SMYD3: variants seen among roughly 807,000 people sequenced by gnomAD.
The protein encoded by SMYD3 is SET and MYND domain containing 3.
A neutral mutation model predicts 57.7 loss-of-function variants in SMYD3; 36 were observed. The observed-to-expected ratio is 0.62, with a 90% CI of 0.48 to 0.82. The LOEUF (loss-of-function observed/expected upper bound fraction) is 0.82. Among genes scored for constraint, SMYD3 ranks in the 40% least tolerant of loss-of-function variants. SMYD3 has a pLI of 0.00. For synonymous variants in SMYD3, 211 were observed against 195.0 expected (o/e 1.08, Z -0.68); for missense variants, 515 against 538.8 (o/e 0.96, Z 0.44).
At chr1:246,166,421 A>G (rs890497336) in intron 5 of SMYD3, among the ~76,000 whole-genome samples, 1 of 152,214 alleles carries the variant, frequency 6.6e-6, no homozygotes, top group Non-Finnish European at 1.5e-5. Context: ...CTGAGCACAC[A>G]TGTAAGTCTG....
chr1:245,955,270 A>AT (rs1189483790), intron 5 of SMYD3, among the ~76,000 whole-genome samples: 11 of 150,500 alleles, frequency 7.3e-5, no homozygotes, highest in African/African-American at 2.7e-4. Flanking sequence ...TTTTTTTTGT[A>AT]TTTTTTAGTA....
At chr1:246,146,405 T>C (rs566732986) in intron 5 of SMYD3, among the ~76,000 whole-genome samples, 1 of 152,282 alleles carries the variant, frequency 6.6e-6, no homozygotes, top group East Asian at 1.9e-4. Context: ...GTAGAACACG[T>C]ACCTGCACAT....
At chr1:246,494,325 G>T (rs1398178130) in intron 1 of SMYD3, among the ~76,000 whole-genome samples, 1 of 152,088 alleles carries the variant, frequency 6.6e-6, no homozygotes, top group African/African-American at 2.4e-5. Flanking sequence ...CTCCATAGTT[G>T]TTATCTCTAC....
At chr1:246,398,076 T>G (rs1442274077) in intron 1 of SMYD3, among the ~76,000 whole-genome samples, 1 of 152,102 alleles carries the variant, frequency 6.6e-6, no homozygotes, top group Non-Finnish European at 1.5e-5. Flanking sequence ...AGACCAATCT[T>G]AGGCTCTACA....
Position 246,355,173 on chromosome 1 carries a change from C to A in SMYD3, c.165-79G>T. ...ATAGTTGAAGAAAGAAAACATAAGT[C>A]AACATACGGACACCCGTATGTTCTG... On this transcript the variant is annotated intron_variant, in intron 1 of 11. Coordinates refer to ENST00000490107, the MANE Select transcript of SMYD3 (RefSeq NM_001167740.2). The surrounding 1 kb of genome is among the most constrained non-coding windows in gnomAD (Gnocchi z 5.0). 2 of 1,397,796 alleles carry A rather than the reference C, an allele frequency of 1.4e-6. No individual in the cohort carries two copies. Among genetic ancestry groups the A allele is most frequent in the South Asian group, 1.2e-5 (1 of 85,680 alleles). The allele number at this position is 1,397,796 out of a possible 1,614,324, so 86.6% of individuals were successfully genotyped here.
intron 5 of SMYD3, among the ~76,000 whole-genome samples, chr1:246,016,179 AT>A: frequency 6.6e-6 from 1 of 151,466 alleles, no homozygotes; most frequent in South Asian, 2.1e-4. Context: ...AGGTGGGAGG[AT>A]TGCTTGAGCC....
At chr1:246,216,296 A>AAAAAG (rs2063162612) in intron 5 of SMYD3, among the ~76,000 whole-genome samples, 1 of 151,678 alleles carries the variant, frequency 6.6e-6, no homozygotes, top group Non-Finnish European at 1.5e-5. Flanking sequence ...CAAAAAAAAA[A>AAAAAG]AAAAACTCAT....
At chr1:246,489,443 G>A (rs1249453670) in intron 1 of SMYD3, among the ~76,000 whole-genome samples, 1 of 152,062 alleles carries the variant, frequency 6.6e-6, no homozygotes, top group Non-Finnish European at 1.5e-5. Context: ...TCCTCATGAA[G>A]ATCACGAGGT....
chr1:246,487,848 C>A (rs1423274333), intron 1 of SMYD3, among the ~76,000 whole-genome samples: 2 of 152,130 alleles, frequency 1.3e-5, no homozygotes, highest in African/African-American at 4.8e-5. Context: ...GCATGCACCA[C>A]CAAGCCCGGC....
In SMYD3 at chr1:246,182,936, A is replaced by C. The variant is rs146520780; in HGVS notation, c.531+144265T>G. ...TGAGAAGACACTAACTGAGCCCCTA[A>C]GTACAAATGAGCATACTTAACATAG... On this transcript the variant is annotated intron_variant, in intron 5 of 11. Coordinates refer to ENST00000490107, the MANE Select transcript of SMYD3 (RefSeq NM_001167740.2). Among the ~76,000 whole-genome samples the C allele has an allele frequency of 1.9e-4, 29 of 152,308 alleles. 1 individual carries two copies. In the East Asian group the frequency reaches 4.4e-3, roughly 23 times the overall value.
Position 245,826,157 on chromosome 1 carries a change from T to A in SMYD3, c.1076+32339A>T, listed in dbSNP as rs543620219. Among the ~76,000 whole-genome samples the A allele has an allele frequency of 2.0e-5, 3 of 151,916 alleles. No homozygotes were observed. The South Asian group carries it at 6.3e-4, about 32-fold the overall frequency. On this transcript the variant is annotated intron_variant, in intron 10 of 11. Transcript: ENST00000490107. The stretch of plus-strand genomic sequence containing the variant: ...GTTGTATAACAGTCATCCAGAACTT[T>A]TTCATCTTGCAAAACTGAAACTCTA...
Position 245,749,726 on chromosome 1 carries a change from AC to A in SMYD3, c.1186-63del, listed in dbSNP as rs1281718285. 5.2e-5 allele frequency: 69 copies of A among 1,322,782 alleles called. 1 individual carries two copies. In the East Asian group the frequency reaches 1.5e-3, roughly 29 times the overall value. The allele number at this position is 1,322,782 out of a possible 1,614,324, so 81.9% of individuals were successfully genotyped here. Reference sequence around the variant, plus strand: ...AATAGGTGAGCTCAGGCCATTCCCCACCTTTACCCCATGATGCCAGGGGCCT... The same window carrying A: ...AATAGGTGAGCTCAGGCCATTCCCCACTTTACCCCATGATGCCAGGGGCCT... On this transcript the variant is annotated intron_variant, in intron 11 of 11. Transcript: ENST00000490107.
chr1:246,056,019 T>A (rs1367403912), intron 5 of SMYD3, among the ~76,000 whole-genome samples: 1 of 152,188 alleles, frequency 6.6e-6, no homozygotes, highest in East Asian at 1.9e-4. Context: ...TTTCATTATA[T>A]ATACATTTTA....
intron 1 of SMYD3, among the ~76,000 whole-genome samples, chr1:246,502,045 G>A (rs10802414): frequency 0.64 from 97,127 of 151,792 alleles, 31,340 homozygotes; most frequent in East Asian, 0.89. Flanking sequence ...CCTTGGCCAA[G>A]AGACATTCCA....
intron 5 of SMYD3, among the ~76,000 whole-genome samples, chr1:245,944,188 G>A (rs2057358267): frequency 6.6e-6 from 1 of 152,264 alleles, no homozygotes; most frequent in Non-Finnish European, 1.5e-5. Context: ...TAGGAAGAGA[G>A]GAAGTCAAAT....
chr1:245,777,273 C>T (rs1056296135), intron 10 of SMYD3, among the ~76,000 whole-genome samples: 2 of 152,022 alleles, frequency 1.3e-5, no homozygotes, highest in Non-Finnish European at 2.9e-5. Context: ...CAAGCAGACT[C>T]TGGTAATGAT....
At chr1:246,424,606 T>C (rs567374587) in intron 1 of SMYD3, among the ~76,000 whole-genome samples, 1 of 152,310 alleles carries the variant, frequency 6.6e-6, no homozygotes, top group African/African-American at 2.4e-5. Flanking sequence ...ATGGTCATTC[T>C]ACATTGCTTT....
chr1:245,899,514 G>T (rs888372219), intron 8 of SMYD3, among the ~76,000 whole-genome samples: 2 of 152,136 alleles, frequency 1.3e-5, no homozygotes, highest in African/African-American at 4.8e-5. Flanking sequence ...ATCCAGAGAG[G>T]TTCAATGACT....
At chr1:245,967,724 T>C (rs907157827) in intron 5 of SMYD3, among the ~76,000 whole-genome samples, 1 of 152,178 alleles carries the variant, frequency 6.6e-6, no homozygotes, top group Non-Finnish European at 1.5e-5. Context: ...AATTGCTTCT[T>C]ATTAAAGGAA....
Sources: allele counts gnomAD v4.1 joint callset (sites outside exome capture counted in the v4.1 genomes callset), GRCh38; gene constraint gnomAD v4.1.1; non-coding constraint Gnocchi (gnomAD v3.1); transcripts MANE v1.5; gene names NCBI Gene and HGNC (gene_info 2026-07-23, HGNC 2026-07-21).